Variants in AKT3 observed in about 807,000 individuals in gnomAD.
The protein encoded by AKT3 is RAC-gamma serine/threonine-protein kinase.
In AKT3, 15 loss-of-function variants were observed where a neutral mutation model predicts 65.3. The observed-to-expected ratio is 0.23, with a 90% CI of 0.15 to 0.35. AKT3 has a LOEUF of 0.35. Ranked by LOEUF, AKT3 falls within the 10% of genes least tolerant of loss-of-function variation. AKT3 has a pLI of 1.00. For synonymous variants in AKT3, 206 were observed against 183.8 expected (o/e 1.12, Z -0.98); for missense variants, 243 against 576.5 (o/e 0.42, Z 5.92).
intron 12 of AKT3, among the ~76,000 whole-genome samples, chr1:243,514,108 A>G (rs1006921979): frequency 3.9e-5 from 6 of 152,166 alleles, no homozygotes; most frequent in African/African-American, 7.2e-5. Flanking sequence ...CTGATTTACT[A>G]TTCTACAGAT....
At chr1:243,533,498 A>G (rs564257101) in intron 12 of AKT3, among the ~76,000 whole-genome samples, 1 of 152,356 alleles carries the variant, frequency 6.6e-6, no homozygotes, top group African/African-American at 2.4e-5. Flanking sequence ...TATTTAAAAG[A>G]GGACTTGAAT....
intron 5 of AKT3, among the ~76,000 whole-genome samples, chr1:243,642,336 G>C (rs897600188): frequency 1.3e-5 from 2 of 152,190 alleles, no homozygotes; most frequent in Non-Finnish European, 2.9e-5. Flanking sequence ...TTGAGACGGA[G>C]TCTCGCTCTG....
At chr1:243,790,566 C>A (rs938988853) in intron 2 of AKT3, among the ~76,000 whole-genome samples, 16 of 152,162 alleles carry the variant, frequency 1.1e-4, no homozygotes, top group Admixed American at 9.2e-4. Context: ...ACGGCTGTTT[C>A]GCTTTCTTAT....
chr1:243,757,490 T>C (rs1689209771), intron 2 of AKT3, among the ~76,000 whole-genome samples: 1 of 152,048 alleles, frequency 6.6e-6, no homozygotes, highest in Non-Finnish European at 1.5e-5. Flanking sequence ...TGGTATCAGG[T>C]GCCTGTAATC....
chr1:243,749,885 T>A (rs1296452760), intron 2 of AKT3, among the ~76,000 whole-genome samples: 2 of 152,208 alleles, frequency 1.3e-5, no homozygotes, highest in Non-Finnish European at 2.9e-5. Context: ...ACCAATGAGG[T>A]TATCAGTGGC....
chr1:243,707,327 A>G lies in AKT3; in HGVS notation c.47-11611T>C, dbSNP rs930377411. Among the ~76,000 whole-genome samples, 6 of 152,256 alleles carry G rather than the reference A, an allele frequency of 3.9e-5. No homozygotes were observed. The East Asian group carries it at 1.2e-3, about 29-fold the overall frequency. On this transcript the variant is annotated intron_variant, in intron 2 of 13. Coordinates refer to ENST00000673466, the MANE Select transcript of AKT3 (RefSeq NM_005465.7). Reference sequence around the variant, plus strand: ...TTGATTTTTTGTGGATAAAATTTCTATTTTTGTTATTCACTTTGCTTATGT... The same window carrying G: ...TTGATTTTTTGTGGATAAAATTTCTGTTTTTGTTATTCACTTTGCTTATGT...
chr1:243,741,937 T>G (rs1042333621), intron 2 of AKT3: 1 of 151,972 alleles, frequency 6.6e-6, no homozygotes, highest in Non-Finnish European at 1.5e-5. Flanking sequence ...ATCTGTGTAT[T>G]AACAGTATTC....
At chr1:243,684,675 T>C (rs1296902439) in intron 3 of AKT3, among the ~76,000 whole-genome samples, 1 of 152,230 alleles carries the variant, frequency 6.6e-6, no homozygotes, top group Non-Finnish European at 1.5e-5. Flanking sequence ...GTATACCCAG[T>C]AATGGAATTG....
At chr1:243,560,028 T>C (rs1471675570) in intron 10 of AKT3, among the ~76,000 whole-genome samples, 2 of 152,186 alleles carry the variant, frequency 1.3e-5, no homozygotes, top group Admixed American at 6.6e-5. Flanking sequence ...CACAAGTAAT[T>C]TTCCCTAGCC....
chr1:243,622,711 C>T (rs1481800769), intron 6 of AKT3, among the ~76,000 whole-genome samples: 5 of 152,152 alleles, frequency 3.3e-5, no homozygotes, highest in Non-Finnish European at 7.4e-5. Context: ...CCCAATAGAA[C>T]AATGACAGTT....
intron 2 of AKT3, among the ~76,000 whole-genome samples, chr1:243,765,528 T>C (rs1374591705): frequency 6.6e-6 from 1 of 152,110 alleles, no homozygotes; most frequent in African/African-American, 2.4e-5. Context: ...CTTATAGAGT[T>C]TACATTCTAG....
At chr1:243,820,364 C>A (rs75914449) in intron 2 of AKT3, among the ~76,000 whole-genome samples, 1 of 152,188 alleles carries the variant, frequency 6.6e-6, no homozygotes, top group African/African-American at 2.4e-5. Context: ...ACGAAAAAAA[C>A]ATTGAGAACC....
chr1:243,710,695 T>C (rs1031077514), intron 2 of AKT3, among the ~76,000 whole-genome samples: 1 of 152,224 alleles, frequency 6.6e-6, no homozygotes, highest in East Asian at 1.9e-4. Context: ...GAATTAATCA[T>C]ACTTTTAGGT....
chr1:243,743,930 T>C (rs1688320351), intron 2 of AKT3, among the ~76,000 whole-genome samples: 1 of 152,088 alleles, frequency 6.6e-6, no homozygotes. Context: ...AATAAACACT[T>C]AAGGAAAGCA....
intron 2 of AKT3, among the ~76,000 whole-genome samples, chr1:243,708,635 C>T (rs1213929800): frequency 6.6e-6 from 1 of 151,960 alleles, no homozygotes; most frequent in Non-Finnish European, 1.5e-5. Context: ...TGCATGGAAT[C>T]ATCAGTATCA....
intron 5 of AKT3, among the ~76,000 whole-genome samples, chr1:243,640,442 G>C (rs72761634): frequency 6.6e-6 from 1 of 152,136 alleles, no homozygotes; most frequent in Non-Finnish European, 1.5e-5. Context: ...TTTGAACACA[G>C]AATATGATCA....
intron 8 of AKT3, 73 bp downstream of exon 8, chr1:243,613,598 T>G: frequency 8.3e-7 from 1 of 1,209,974 alleles, no homozygotes; most frequent in South Asian, 1.6e-5. Context: ...ATATTGTAAC[T>G]TGTATTTTAA....
chr1:243,530,867 T>C (rs1330346360), intron 12 of AKT3, among the ~76,000 whole-genome samples: 1 of 152,134 alleles, frequency 6.6e-6, no homozygotes, highest in Admixed American at 6.5e-5. Context: ...TAGCCTAAGC[T>C]TGGTGTTCTA....
Position 243,503,702 on chromosome 1 carries a change from C to A in AKT3, c.*1547G>T, listed in dbSNP as rs893523057. ...ATGAGTATATACAGAAAAAGAAAAGCTGGAGGTGTTCTCTTTTTTTGTTGT... is the reference window on the plus strand; with the variant it reads ...ATGAGTATATACAGAAAAAGAAAAGATGGAGGTGTTCTCTTTTTTTGTTGT... On this transcript the variant is annotated 3_prime_UTR_variant, in exon 14 of 14. Coordinates refer to ENST00000673466, the MANE Select transcript of AKT3 (RefSeq NM_005465.7). The A allele has an allele frequency of 4.3e-6, 1 of 232,230 alleles. No individual in the cohort carries two copies. Among genetic ancestry groups the A allele is most frequent in the Non-Finnish European group, 8.5e-6 (1 of 117,296 alleles). The allele number at this position is 232,230 out of a possible 1,614,324, so 14.4% of individuals were successfully genotyped here. A position where few individuals can be genotyped will look rare whatever the true frequency, so the allele number is the denominator to read the frequency against.
Sources: gnomAD v4.1 joint callset for allele counts (sites outside exome capture counted in the v4.1 genomes callset) on GRCh38, gnomAD v4.1.1 for gene constraint, MANE v1.5 for transcripts, NCBI Gene and HGNC (gene_info 2026-07-23, HGNC 2026-07-21) for gene names.